The following GPT variants were observed in gnomAD, a reference collection of about 807,000 sequenced individuals.
GPT encodes alanine aminotransferase 1.
GPT carries 60 observed loss-of-function variants against 51.4 expected under a neutral mutation model. That is an observed-to-expected ratio of 1.17 (90% CI 0.95 to 1.45). GPT has a LOEUF of 1.45. Ranked by LOEUF, GPT falls within the 40% of genes most tolerant of loss-of-function variation. GPT has a pLI of 0.00. For missense variants in GPT, 853 were observed against 704.0 expected (o/e 1.21, Z -2.40); for synonymous variants, 397 against 303.1 (o/e 1.31, Z -3.22).
Position 144,506,789 on chromosome 8 carries a change from T to C in GPT, c.1346T>C (p.Ile449Thr), listed in dbSNP as rs1433014925. 3 of 1,612,514 alleles carry C rather than the reference T, an allele frequency of 1.9e-6. No homozygotes were observed. Among genetic ancestry groups the C allele is most frequent in the Admixed American group, 3.3e-5 (2 of 60,004 alleles). ...CTGCGCCTCCTGGAGGAGACCGGCA[T>C]CTGCGTGGTGCCAGGGAGCGGCTTT... ...FCLRLLEETG[I>T]CVVPGSGFGQ... Residue 449 changes from isoleucine to threonine, a missense_variant, in exon 10 of 11, where the codon ATC becomes ACC. Ile to Thr is a moderately conservative substitution (Grantham distance 89). Coordinates refer to ENST00000394955, the MANE Select transcript of GPT (RefSeq NM_005309.3). The surrounding 1 kb of genome is among the most constrained non-coding windows in gnomAD (Gnocchi z 7.0).
At chr8:144,504,507 G>A in intron 1 of GPT, 41 bp downstream of exon 1, 4 of 1,608,240 alleles carry the variant, frequency 2.5e-6, no homozygotes, top group Non-Finnish European at 3.4e-6. Context: ...GGTCACAATG[G>A]GGTGGCCGAG....
chr8:144,504,206 T>G lies in GPT; in HGVS notation c.-99T>G. Reference sequence around the variant, plus strand: ...AGTTCCCTCTGCTACGGCTGCCCCCTCCCAGCCCTGGCCCACTAAGCCAGA... The same window carrying G: ...AGTTCCCTCTGCTACGGCTGCCCCCGCCCAGCCCTGGCCCACTAAGCCAGA... On this transcript the variant is annotated 5_prime_UTR_variant, in exon 1 of 11. Coordinates refer to ENST00000394955, the MANE Select transcript of GPT (RefSeq NM_005309.3). 1 of 1,334,068 alleles carries G rather than the reference T, an allele frequency of 7.5e-7. No homozygotes were observed. Among genetic ancestry groups the G allele is most frequent in the South Asian group, 1.2e-5 (1 of 80,316 alleles). 82.6% of individuals were successfully genotyped at this position (1,334,068 alleles called of 1,614,324 possible).
Position 144,505,034 on chromosome 8 carries a change from G to C in GPT, c.398G>C (p.Arg133Pro). The C allele has an allele frequency of 1.2e-6, 2 of 1,613,148 alleles. No individual in the cohort carries two copies. The highest frequency in any genetic ancestry group is 1.7e-6 in the Non-Finnish European group (2 of 1,179,992). Residue 133 changes from arginine to proline, a missense_variant, in exon 4 of 11, where the codon CGG (arginine) becomes CCG (proline). Arg to Pro is a moderately radical substitution (Grantham distance 103). Transcript: ENST00000394955. ...YSVSSGIQLI[R>P]EDVARYIERR... ...GTCAGCTCCGGCATCCAGCTGATCC[G>C]GGAGGACGTGGCGCGGTACATTGAG...
chr8:144,506,737 G>A lies in GPT; in HGVS notation c.1294G>A (p.Gly432Ser). The stretch of plus-strand genomic sequence containing the variant: ...GACGGCTCTCCGTCCACAGGAGCTG[G>A]GCCTGGCCCCCGATATGTTCTTCTG... ...PRAVERAQEL[G>S]LAPDMFFCLR... The change falls in exon 10 of 11, where the codon GGC becomes AGC. Residue 432 changes from glycine (G) to serine (S), a missense_variant. Physicochemically the swap from Gly to Ser is moderately conservative, Grantham distance 56 (BLOSUM62 0). Transcript: ENST00000394955. The surrounding 1 kb of genome is among the most constrained non-coding windows in gnomAD (Gnocchi z 7.0). The A allele has an allele frequency of 6.2e-7, 1 of 1,611,334 alleles. No individual in the cohort carries two copies. Among genetic ancestry groups the A allele is most frequent in the Non-Finnish European group, 8.5e-7 (1 of 1,179,706 alleles).
rs371616471 is a variant in GPT at position 144,507,012 on chromosome 8, G to A, written c.*12G>A. 2 of 1,598,706 alleles carry A rather than the reference G, an allele frequency of 1.3e-6. No individual in the cohort carries two copies. Among genetic ancestry groups the A allele is most frequent in the Non-Finnish European group, 1.7e-6 (2 of 1,167,442 alleles). On this transcript the variant is annotated 3_prime_UTR_variant, in exon 11 of 11. Coordinates refer to ENST00000394955, the MANE Select transcript of GPT (RefSeq NM_005309.3). ...TCGAGTACTCCTGAGCACCCCAGCT[G>A]GGGCCAGGCTGGGTCGCCCTGGACT...
At position 144,505,401 on chromosome 8, in the gene GPT, C is replaced by A; in HGVS notation, c.651C>A (p.Asp217Glu). 1.3e-6 allele frequency: 2 copies of A among 1,595,682 alleles called. No individual in the cohort carries two copies. The highest frequency in any genetic ancestry group is 1.7e-5 in the Admixed American group (1 of 57,724). Residue 217 changes from aspartate (D) to glutamate (E), a missense_variant, in exon 5 of 11, where the codon GAC (aspartate) becomes GAA (glutamate). Transcript: ENST00000394955. The stretch of plus-strand genomic sequence containing the variant: ...ACGAGGAGCGTGCCTGGGCGCTGGA[C>A]GTGGCCGAGCTTCACCGTGCACTGG... The part of the protein sequence containing the change: ...YLDEERAWAL[D>E]VAELHRALGQ...
upstream of GPT, among the ~76,000 whole-genome samples, chr8:144,503,552 C>T (rs951151830): frequency 6.6e-6 from 1 of 151,852 alleles, no homozygotes; most frequent in Non-Finnish European, 1.5e-5. Flanking sequence ...TCCCCCAGCC[C>T]CTCGCAGTGC....
Position 144,506,019 on chromosome 8 carries a change from G to T in GPT, c.844G>T (p.Ala282Ser), listed in dbSNP as rs1285438733. The change falls in exon 7 of 11, where the codon GCG becomes TCG. Residue 282 changes from alanine to serine, a missense_variant. Physicochemically the swap from Ala to Ser is moderately conservative, Grantham distance 99 (BLOSUM62 1). Transcript: ENST00000394955. The surrounding 1 kb of genome is among the most constrained non-coding windows in gnomAD (Gnocchi z 7.0). ...DEVYQDNVYA[A>S]GSQFHSFKKV... is the part of the protein sequence containing the mutation. The stretch of plus-strand genomic sequence containing the variant: ...GGTGTACCAGGACAACGTGTACGCC[G>T]CGGGTTCGCAGTTCCACTCATTCAA... The T allele has an allele frequency of 8.7e-6, 14 of 1,612,410 alleles. 1 individual carries two copies. The Admixed American group carries it at 1.8e-4, about 21-fold the overall frequency.
In GPT at chr8:144,504,387, C is replaced by T. The variant is rs201792209; in HGVS notation, c.83C>T (p.Pro28Leu). 2.2e-5 allele frequency: 35 copies of T among 1,611,682 alleles called. No individual in the cohort carries two copies. The highest frequency in any genetic ancestry group is 4.5e-5 in the East Asian group (2 of 44,896). ...GTGCTGACGCTGGACGGCATGAACC[C>T]GCGTGTGCGGAGAGTGGAGTACGCA... Reference protein sequence around the residue: ...AKVLTLDGMNPRVRRVEYAVR... With the variant: ...AKVLTLDGMNLRVRRVEYAVR... The change falls in exon 1 of 11, where the codon CCG becomes CTG. Residue 28 changes from proline to leucine, a missense_variant. Physicochemically the swap from Pro to Leu is moderately conservative, Grantham distance 98 (BLOSUM62 -3). Coordinates refer to ENST00000394955, the MANE Select transcript of GPT (RefSeq NM_005309.3).
rs1063739 is a variant in GPT at position 144,504,344 on chromosome 8, C to G, written c.40C>G (p.His14Asp). Residue 14 changes from histidine (H) to aspartate (D), a missense_variant, in exon 1 of 11, where the codon CAT becomes GAT. Coordinates refer to ENST00000394955, the MANE Select transcript of GPT (RefSeq NM_005309.3). ...STGDRSQAVR[H>D]GLRAKVLTLD... ...AGGTGACCGGAGCCAGGCGGTGAGG[C>G]ATGGACTGAGGGCGAAGGTGCTGAC... The G allele has an allele frequency of 1.2e-6, 2 of 1,610,344 alleles. No individual in the cohort carries two copies. The highest frequency in any genetic ancestry group is 2.2e-5 in the South Asian group (2 of 91,074).
Position 144,506,546 on chromosome 8 carries a change from A to C in GPT, c.1177A>C (p.Thr393Pro). The change falls in exon 9 of 11, where the codon ACC becomes CCC. Residue 393 changes from threonine to proline, a missense_variant. Transcript: ENST00000394955. The surrounding 1 kb of genome is among the most constrained non-coding windows in gnomAD (Gnocchi z 7.0). ...LAELAAKAKL[T>P]EQVFNEAPGI... ...AGAGCTGGCGGCCAAGGCCAAGCTC[A>C]CCGAGCAGGTCTTCAATGAGGCTCC... 2.5e-6 allele frequency: 4 copies of C among 1,592,214 alleles called. No homozygotes were observed. Among genetic ancestry groups the C allele is most frequent in the Non-Finnish European group, 3.4e-6 (4 of 1,170,670 alleles).
chr8:144,505,796 G>T, intron 5 of GPT, 52 bp from the exon 6 acceptor site: 1 of 1,518,132 alleles, frequency 6.6e-7, no homozygotes, highest in South Asian at 1.2e-5. Flanking sequence ...CCCAGCGGAG[G>T]GCAGTGCGCC....
chr8:144,503,970 T>G, upstream of GPT: 1 of 411,804 alleles, frequency 2.4e-6, no homozygotes, highest in Non-Finnish European at 4.6e-6. Context: ...ACCCCCCATG[T>G]GGGTCTCCTG....
upstream of GPT, among the ~76,000 whole-genome samples, chr8:144,503,533 C>G (rs1826637395): frequency 6.6e-6 from 1 of 152,102 alleles, no homozygotes; most frequent in African/African-American, 2.4e-5. Context: ...CTGCCTGGCT[C>G]CAGCCCCCTC....
At chr8:144,505,955 G>C (rs760512990) in intron 6 of GPT, 28 bp downstream of exon 6, 1 of 1,611,964 alleles carries the variant, frequency 6.2e-7, no homozygotes, top group Non-Finnish European at 8.5e-7. Flanking sequence ...GCGGGAAGCC[G>C]GGCAACAGTC....
At chr8:144,504,065 G>T, upstream of GPT, 1 of 578,940 alleles carries the variant, frequency 1.7e-6, no homozygotes. Flanking sequence ...CTGCCTCCCT[G>T]GGGCAGAGCT....
Position 144,505,271 on chromosome 8 carries a change from G to T in GPT, c.521G>T (p.Gly174Val). The T allele has an allele frequency of 6.3e-7, 1 of 1,593,826 alleles. No individual in the cohort carries two copies. Among genetic ancestry groups the T allele is most frequent in the Non-Finnish European group, 8.5e-7 (1 of 1,170,802 alleles). Residue 174 changes from glycine to valine, a missense_variant, in exon 5 of 11, where the codon GGC becomes GTC. By Grantham distance (109) the Gly-to-Val change is moderately radical (BLOSUM62 -3). Coordinates refer to ENST00000394955, the MANE Select transcript of GPT (RefSeq NM_005309.3). ...ACGGTGCTGAAGCTGCTGGTGGCCG[G>T]CGAGGGCCACACACGCACGGGTGTG... ...IVTVLKLLVAGEGHTRTGVLI... is the reference protein window; with the variant it reads ...IVTVLKLLVAVEGHTRTGVLI...
Position 144,505,328 on chromosome 8 carries a change from C to T in GPT, c.578C>T (p.Ser193Leu), listed in dbSNP as rs910044306. The T allele has an allele frequency of 6.4e-7, 1 of 1,569,000 alleles. No homozygotes were observed. The highest frequency in any genetic ancestry group is 8.6e-7 in the Non-Finnish European group (1 of 1,157,416). Residue 193 changes from serine (S) to leucine (L), a missense_variant, in exon 5 of 11, where the codon TCG (serine) becomes TTG (leucine). Coordinates refer to ENST00000394955, the MANE Select transcript of GPT (RefSeq NM_005309.3). The part of the protein sequence containing the change: ...LIPIPQYPLY[S>L]ATLAELGAVQ... Reference sequence around the variant, plus strand: ...CCCATCCCCCAGTACCCACTCTACTCGGCCACGCTGGCAGAGCTGGGCGCA... The same window carrying T: ...CCCATCCCCCAGTACCCACTCTACTTGGCCACGCTGGCAGAGCTGGGCGCA...
chr8:144,505,264 G>A lies in GPT; in HGVS notation c.514G>A (p.Val172Met). The A allele has an allele frequency of 6.3e-7, 1 of 1,598,540 alleles. No homozygotes were observed. Among genetic ancestry groups the A allele is most frequent in the Non-Finnish European group, 8.5e-7 (1 of 1,173,202 alleles). ...DAIVTVLKLL[V>M]AGEGHTRTGV... ...TCCGCAGACGGTGCTGAAGCTGCTG[G>A]TGGCCGGCGAGGGCCACACACGCAC... is the stretch of plus-strand genomic sequence containing the variant. Residue 172 changes from valine (V) to methionine (M), a missense_variant, in exon 5 of 11, where the codon GTG (valine) becomes ATG (methionine). Coordinates refer to ENST00000394955, the MANE Select transcript of GPT (RefSeq NM_005309.3).
Sources: gnomAD v4.1 joint callset for allele counts (sites outside exome capture counted in the v4.1 genomes callset) on GRCh38, gnomAD v4.1.1 for gene constraint, Gnocchi (gnomAD v3.1) non-coding constraint, MANE v1.5 for transcripts, NCBI Gene and HGNC (gene_info 2026-07-23, HGNC 2026-07-21) for gene names.